The following TBC1D22A variants were observed in gnomAD, a reference collection of about 807,000 sequenced individuals.
TBC1D22A encodes the protein TBC1 domain family member 22A, also known as putative GTPase activator.
A neutral mutation model predicts 60.2 loss-of-function variants in TBC1D22A; 38 were observed. That is an observed-to-expected ratio of 0.63 (90% confidence interval 0.49 to 0.83). TBC1D22A has a LOEUF of 0.83. TBC1D22A is among the 40% of genes least tolerant of loss of function. The pLI is 0.00. For missense variants in TBC1D22A, 628 were observed against 701.0 expected, an observed-to-expected ratio of 0.90 and a Z score of 1.18; for synonymous variants, 302 against 281.7, an observed-to-expected ratio of 1.07 and a Z score of -0.72.
intron 12 of TBC1D22A, among the ~76,000 whole-genome samples, chr22:47,130,556 T>TA (rs1192295458): frequency 2.6e-5 from 4 of 152,206 alleles, no homozygotes; most frequent in Non-Finnish European, 1.5e-5. Flanking sequence ...TCTCCTCTCT[T>TA]ACAGTGTCCA....
At chr22:46,844,603 C>T (rs1489309127) in intron 4 of TBC1D22A, among the ~76,000 whole-genome samples, 1 of 152,196 alleles carries the variant, frequency 6.6e-6, no homozygotes, top group African/African-American at 2.4e-5. Flanking sequence ...GAGCACAGCA[C>T]AGCCAGAGTG....
intron 11 of TBC1D22A, among the ~76,000 whole-genome samples, chr22:47,075,455 G>A (rs1395946719): frequency 6.6e-6 from 1 of 152,124 alleles, no homozygotes; most frequent in East Asian, 1.9e-4. Flanking sequence ...GGCTGAAGTG[G>A]TAGGATTGCT....
intron 12 of TBC1D22A, among the ~76,000 whole-genome samples, chr22:47,143,572 C>T (rs1370966368): frequency 6.6e-6 from 1 of 152,228 alleles, no homozygotes; most frequent in Admixed American, 6.5e-5. Context: ...GCCTCACGTG[C>T]AGAAAGCCTG....
At chr22:46,883,104 G>C (rs1485397564) in intron 5 of TBC1D22A, among the ~76,000 whole-genome samples, 1 of 152,110 alleles carries the variant, frequency 6.6e-6, no homozygotes, top group Admixed American at 6.5e-5. Flanking sequence ...TTTTAAATAA[G>C]TATTTCAGAA....
chr22:46,785,026 G>C (rs1017514849), intron 1 of TBC1D22A, among the ~76,000 whole-genome samples: 1 of 152,192 alleles, frequency 6.6e-6, no homozygotes, highest in African/African-American at 2.4e-5. Flanking sequence ...TTCAGGAAAA[G>C]GACATGACAG....
intron 12 of TBC1D22A, among the ~76,000 whole-genome samples, chr22:47,171,710 C>T (rs141112281): frequency 1.3e-3 from 197 of 152,256 alleles, no homozygotes; most frequent in African/African-American, 4.4e-3. Context: ...TGGATGTGGG[C>T]GTGGTCATGT....
At chr22:46,904,774 ATT>A (rs777988768) in intron 7 of TBC1D22A, among the ~76,000 whole-genome samples, 2 of 136,354 alleles carry the variant, frequency 1.5e-5, no homozygotes, top group Non-Finnish European at 1.6e-5. Flanking sequence ...GGCCGAGAAA[ATT>A]TTTTTTTTTT....
At chr22:47,117,722 CT>C (rs1217053392) in intron 12 of TBC1D22A, among the ~76,000 whole-genome samples, 3 of 152,238 alleles carry the variant, frequency 2.0e-5, no homozygotes, top group African/African-American at 7.2e-5. Context: ...GATCTGTGCA[CT>C]TTCCTGTCTT....
chr22:46,872,490 A>G (rs1409376823), intron 4 of TBC1D22A, among the ~76,000 whole-genome samples: 1 of 150,600 alleles, frequency 6.6e-6, no homozygotes, highest in Non-Finnish European at 1.5e-5. Context: ...CCTGTTATCA[A>G]CAGCTAGAAA....
intron 12 of TBC1D22A, among the ~76,000 whole-genome samples, chr22:47,134,845 C>T (rs1171612103): frequency 6.6e-6 from 1 of 152,236 alleles, no homozygotes; most frequent in African/African-American, 2.4e-5. Context: ...GGGAGACAGC[C>T]TCCAGGGTCC....
intron 12 of TBC1D22A, among the ~76,000 whole-genome samples, chr22:47,138,929 C>G (rs1038729644): frequency 6.6e-6 from 1 of 152,208 alleles, no homozygotes; most frequent in African/African-American, 2.4e-5. Flanking sequence ...CCAAAGACCC[C>G]GCTTCCTAAT....
chr22:47,047,796 G>A (rs1028546161), intron 11 of TBC1D22A, among the ~76,000 whole-genome samples: 4 of 152,214 alleles, frequency 2.6e-5, no homozygotes, highest in African/African-American at 9.6e-5. Flanking sequence ...GCAAGGCCTC[G>A]AGGCTGTGCA....
intron 11 of TBC1D22A, among the ~76,000 whole-genome samples, chr22:47,045,445 T>C (rs144126174): frequency 6.6e-6 from 1 of 152,350 alleles, no homozygotes; most frequent in Non-Finnish European, 1.5e-5. Context: ...TAATCGATAG[T>C]GGGTGACCAG....
chr22:47,105,288 G>A (rs2065592593), intron 11 of TBC1D22A, among the ~76,000 whole-genome samples: 1 of 152,050 alleles, frequency 6.6e-6, no homozygotes, highest in South Asian at 2.1e-4. Context: ...TGTGGTGAAT[G>A]TGGTGTCCGA....
At chr22:47,142,332 C>T (rs900992919) in intron 12 of TBC1D22A, among the ~76,000 whole-genome samples, 2 of 132,542 alleles carry the variant, frequency 1.5e-5, no homozygotes, top group South Asian at 5.7e-4. Flanking sequence ...TCCATTCATT[C>T]AGCCACCCAC....
intron 10 of TBC1D22A, among the ~76,000 whole-genome samples, chr22:47,031,185 A>G (rs1036054852): frequency 2.6e-5 from 4 of 151,552 alleles, no homozygotes; most frequent in African/African-American, 7.3e-5. Flanking sequence ...TTGCCTTTTC[A>G]CTCCTTTCAG....
At chr22:46,900,986 GT>G (rs1175209274) in intron 7 of TBC1D22A, among the ~76,000 whole-genome samples, 4 of 152,166 alleles carry the variant, frequency 2.6e-5, no homozygotes, top group Non-Finnish European at 1.5e-5. Flanking sequence ...CTTGCTCTTA[GT>G]TTTAAAATCA....
chr22:47,006,002 G>A (rs1282794180), intron 10 of TBC1D22A, among the ~76,000 whole-genome samples: 1 of 151,498 alleles, frequency 6.6e-6, no homozygotes, highest in Non-Finnish European at 1.5e-5. Flanking sequence ...ATACACAGGT[G>A]CCTATACATG....
chr22:46,813,901 A>G (rs1274590586), intron 4 of TBC1D22A, among the ~76,000 whole-genome samples: 1 of 152,246 alleles, frequency 6.6e-6, no homozygotes, highest in African/African-American at 2.4e-5. Context: ...TGCAGACAGT[A>G]TTTGGGAAAG....
Sources: gnomAD v4.1 joint callset for allele counts (sites outside exome capture counted in the v4.1 genomes callset) on GRCh38, gnomAD v4.1.1 for gene constraint, MANE v1.5 for transcripts, NCBI Gene and HGNC (gene_info 2026-07-23, HGNC 2026-07-21) for gene names.